SCRN3: variants seen among roughly 807,000 people sequenced by gnomAD.
The protein encoded by SCRN3 is secernin-3.
SCRN3 carries 39 observed loss-of-function variants against 43.1 expected under a neutral mutation model. The ratio of observed to expected loss-of-function variants is 0.91; its 90% CI spans 0.70 to 1.18. The LOEUF is 1.18. SCRN3 is among the 50% of genes most tolerant of loss of function. The probability of loss-of-function intolerance (pLI) is 0.00; values close to 1 mark genes in which losing one functional copy is unlikely to be tolerated. For missense variants in SCRN3, 484 were observed against 498.0 expected, an observed-to-expected ratio of 0.97 and a Z score of 0.27; for synonymous variants, 147 against 163.1, an observed-to-expected ratio of 0.90 and a Z score of 0.75.
chr2:174,409,352 A>G (rs1685815862), intron 5 of SCRN3, among the ~76,000 whole-genome samples: 1 of 146,488 alleles, frequency 6.8e-6, no homozygotes, highest in Non-Finnish European at 1.5e-5. Context: ...TTCTAGTTAT[A>G]CATTCTTCTA....
Position 174,427,976 on chromosome 2 carries a change from A to G in SCRN3, c.*81A>G. 1 of 971,958 alleles carries G rather than the reference A, an allele frequency of 1.0e-6. No homozygotes were observed. Among genetic ancestry groups the G allele is most frequent in the Non-Finnish European group, 1.6e-6 (1 of 644,844 alleles). 60.2% of individuals were successfully genotyped at this position (971,958 alleles called of 1,614,324 possible). A position where few individuals can be genotyped will look rare whatever the true frequency, so the allele number is the denominator to read the frequency against. On this transcript the variant is annotated 3_prime_UTR_variant, in exon 8 of 8. Transcript: ENST00000272732. The stretch of plus-strand genomic sequence containing the variant: ...AAGTCAGAATCTATCACCTTGGTAA[A>G]TTATATAAACCTAACTTGAGCAGAT...
At position 174,427,982 on chromosome 2, in the gene SCRN3, T is replaced by C. The variant is rs964322783; in HGVS notation, c.*87T>C. 8 of 884,446 alleles carry C rather than the reference T, an allele frequency of 9.0e-6. No individual in the cohort carries two copies. The highest frequency in any genetic ancestry group is 5.0e-5 in the African/African-American group (3 of 60,246). The allele number at this position is 884,446 out of a possible 1,614,324, so 54.8% of individuals were successfully genotyped here. A position where few individuals can be genotyped will look rare whatever the true frequency, so the allele number is the denominator to read the frequency against. ...GAATCTATCACCTTGGTAAATTATA[T>C]AAACCTAACTTGAGCAGATCTGATT... On this transcript the variant is annotated 3_prime_UTR_variant, in exon 8 of 8. Transcript: ENST00000272732.
chr2:174,396,201 A>T (rs1296696644), intron 1 of SCRN3: 3 of 816,002 alleles, frequency 3.7e-6, no homozygotes, highest in Non-Finnish European at 4.6e-6. Context: ...GCAAGAACGG[A>T]GGCCCTGTCT....
intron 2 of SCRN3, 25 bp downstream of exon 2, chr2:174,398,467 G>A (rs1271085592): frequency 1.3e-6 from 2 of 1,557,410 alleles, no homozygotes; most frequent in Non-Finnish European, 1.7e-6. Flanking sequence ...TGTTTTGTTA[G>A]CAATATGCCT....
intron 4 of SCRN3, 27 bp from the exon 5 acceptor site, chr2:174,404,076 C>T: frequency 6.4e-7 from 1 of 1,562,246 alleles, no homozygotes; most frequent in Non-Finnish European, 8.8e-7. Flanking sequence ...TTTTCTTCTC[C>T]TTTCTCCTCT....
intron 6 of SCRN3, 32 bp downstream of exon 6, chr2:174,423,079 G>A: frequency 1.3e-6 from 2 of 1,586,454 alleles, no homozygotes; most frequent in Non-Finnish European, 1.7e-6. Context: ...AACCAGCAAG[G>A]GGTCAGGGGA....
chr2:174,398,508 A>C, intron 2 of SCRN3, 66 bp downstream of exon 2: 1 of 1,377,278 alleles, frequency 7.3e-7, no homozygotes, highest in East Asian at 2.6e-5. Flanking sequence ...ATTTCTATAC[A>C]TAGCAATTTG....
intron 2 of SCRN3, among the ~76,000 whole-genome samples, chr2:174,399,661 T>C (rs1685435902): frequency 6.6e-6 from 1 of 152,236 alleles, no homozygotes; most frequent in South Asian, 2.1e-4. Context: ...CTGATTCATC[T>C]TTGTAACTAA....
intron 7 of SCRN3, among the ~76,000 whole-genome samples, chr2:174,427,350 G>T (rs1002271906): frequency 6.6e-6 from 1 of 152,034 alleles, no homozygotes; most frequent in Non-Finnish European, 1.5e-5. Context: ...GGTTTTAAAT[G>T]TAAAAGATCA....
At chr2:174,423,691 G>A (rs1006205533) in intron 6 of SCRN3, among the ~76,000 whole-genome samples, 4 of 150,786 alleles carry the variant, frequency 2.7e-5, no homozygotes, top group African/African-American at 9.8e-5. Context: ...GGATGGTCTT[G>A]ATCTCCTGAC....
intron 2 of SCRN3, among the ~76,000 whole-genome samples, chr2:174,398,797 T>C (rs554522490): frequency 6.6e-6 from 1 of 152,302 alleles, no homozygotes; most frequent in African/African-American, 2.4e-5. Flanking sequence ...AATAGGATGG[T>C]TTAAATGCTA....
At chr2:174,415,776 C>T (rs1461398641) in intron 5 of SCRN3, among the ~76,000 whole-genome samples, 1 of 152,190 alleles carries the variant, frequency 6.6e-6, no homozygotes, top group Non-Finnish European at 1.5e-5. Context: ...TCCCAAATAG[C>T]TGGGATTCCA....
At chr2:174,405,672 A>G (rs929770331) in intron 5 of SCRN3, among the ~76,000 whole-genome samples, 14 of 146,990 alleles carry the variant, frequency 9.5e-5, no homozygotes, top group Non-Finnish European at 1.7e-4. Flanking sequence ...AGCTTCCTAC[A>G]TATGGCTAGC....
At chr2:174,423,784 T>C (rs1356699740) in intron 6 of SCRN3, among the ~76,000 whole-genome samples, 4 of 143,356 alleles carry the variant, frequency 2.8e-5, no homozygotes, top group Admixed American at 1.4e-4. Flanking sequence ...TTCCTTTTTT[T>C]TTTTTTTTTT....
At position 174,398,436 on chromosome 2, in the gene SCRN3, T is replaced by C. The variant is rs1333645291; in HGVS notation, c.153T>C (p.Arg51=). ...TAGTTCATGATAACCTGGGAGAACG[T>C]CTTAAGGTAGGTGAAATAAATGTTT... The part of the protein sequence containing the change: ...PAVVHDNLGE[R]LKCTYIEIDQ... Residue 51 remains arginine, a synonymous_variant, in exon 2 of 8, where the codon CGT becomes CGC. Coordinates refer to ENST00000272732, the MANE Select transcript of SCRN3 (RefSeq NM_024583.5). The C allele has an allele frequency of 6.3e-6, 10 of 1,591,392 alleles. No individual in the cohort carries two copies. In the African/African-American group the frequency reaches 1.4e-4, roughly 22 times the overall value.
chr2:174,402,590 A>G (rs536443899), intron 4 of SCRN3, among the ~76,000 whole-genome samples: 66 of 152,102 alleles, frequency 4.3e-4, no homozygotes, highest in Non-Finnish European at 8.2e-4. Context: ...CAAGAGGCTG[A>G]GGTGGGGAGG....
intron 5 of SCRN3, among the ~76,000 whole-genome samples, chr2:174,422,338 C>T (rs577969643): frequency 7.9e-5 from 12 of 152,092 alleles, no homozygotes; most frequent in Non-Finnish European, 1.8e-4. Flanking sequence ...TTCGGGAGGC[C>T]GAGCTGGGGA....
chr2:174,422,785 G>A, intron 5 of SCRN3, 100 bp from the exon 6 acceptor site: 9 of 665,412 alleles, frequency 1.4e-5, no homozygotes, highest in Non-Finnish European at 2.2e-5. Context: ...TTTATGTCAA[G>A]ACTAATATCT....
intron 6 of SCRN3, among the ~76,000 whole-genome samples, chr2:174,424,128 C>T (rs922260143): frequency 2.0e-5 from 3 of 152,090 alleles, no homozygotes; most frequent in African/African-American, 7.2e-5. Flanking sequence ...TGATGTTCAC[C>T]CCAAGTCCTA....
Sources: gnomAD v4.1 joint callset for allele counts (sites outside exome capture counted in the v4.1 genomes callset) on GRCh38, gnomAD v4.1.1 for gene constraint, MANE v1.5 for transcripts, NCBI Gene and HGNC (gene_info 2026-07-23, HGNC 2026-07-21) for gene names.